The following ELN variants were observed in gnomAD, a reference collection of about 807,000 sequenced individuals.
The protein encoded by ELN is elastin, also known as tropoelastin.
In ELN, 65 loss-of-function variants were observed where a neutral mutation model predicts 105.8. The observed-to-expected ratio is 0.61, with a 90% CI of 0.50 to 0.75. ELN has a LOEUF of 0.75. ELN is among the 30% of genes least tolerant of loss of function. The pLI is 0.00. For synonymous variants in ELN, 368 were observed against 389.2 expected, an observed-to-expected ratio of 0.95 and a Z score of 0.64; for missense variants, 882 against 969.4, an observed-to-expected ratio of 0.91 and a Z score of 1.20.
intron 18 of ELN, 22 bp from the exon 19 acceptor site, chr7:74,054,694 G>T: frequency 6.2e-7 from 1 of 1,613,948 alleles, no homozygotes; most frequent in Non-Finnish European, 8.5e-7. Flanking sequence ...CTGAGCATTT[G>T]TGTCCCTTTT....
Position 74,056,352 on chromosome 7 carries a change from T to G in ELN, c.1232T>G (p.Val411Gly), listed in dbSNP as rs200180992. Reference protein sequence around the residue: ...AGGFPGFGVGVGGIPGVAGVP... With the variant: ...AGGFPGFGVGGGGIPGVAGVP... Reference sequence around the variant, plus strand: ...GGCTTTCCCGGCTTTGGTGTCGGAGTCGGAGGTATCCCTGGAGTCGCAGGT... The same window carrying G: ...GGCTTTCCCGGCTTTGGTGTCGGAGGCGGAGGTATCCCTGGAGTCGCAGGT... Residue 411 changes from valine to glycine, a missense_variant, in exon 20 of 33, where the codon GTC (valine) becomes GGC (glycine). Transcript: ENST00000252034. 267 of 1,613,084 alleles carry G rather than the reference T, an allele frequency of 1.7e-4. 3 individuals are homozygous for G. The East Asian group carries it at 5.4e-3, about 33-fold the overall frequency.
chr7:74,044,121 G>C (rs1177539844), intron 9 of ELN, among the ~76,000 whole-genome samples: 1 of 152,094 alleles, frequency 6.6e-6, no homozygotes, highest in Non-Finnish European at 1.5e-5. Flanking sequence ...TGCACCTGTA[G>C]TCCCAGCTAC....
Position 74,069,200 on chromosome 7 carries a change from T to C in ELN, c.*500T>C, listed in dbSNP as rs1554690950. 8.3e-6 allele frequency: 2 copies of C among 242,272 alleles called. No homozygotes were observed. Among genetic ancestry groups the C allele is most frequent in the Non-Finnish European group, 1.5e-5 (2 of 129,238 alleles). 15.0% of individuals were successfully genotyped at this position (242,272 alleles called of 1,614,324 possible). A position where few individuals can be genotyped will look rare whatever the true frequency, so the allele number is the denominator to read the frequency against. ...CCTGAAGCCTCAAAGCTGGATTCGC[T>C]CTAGCATCCCTCCTCTCCTGGGTCC... On this transcript the variant is annotated 3_prime_UTR_variant, in exon 33 of 33. Coordinates refer to ENST00000252034, the MANE Select transcript of ELN (RefSeq NM_000501.4).
Position 74,060,344 on chromosome 7 carries a change from C to G in ELN, c.1622-32C>G, listed in dbSNP as rs375107324. On this transcript the variant is annotated intron_variant, in intron 24 of 32. Coordinates refer to ENST00000252034, the MANE Select transcript of ELN (RefSeq NM_000501.4). ...ACCTCCTTAGGGGCATGCTCCCTGC[C>G]TGCTGTCGCCACCACTGCCCTCTGT... 4 of 1,614,130 alleles carry G rather than the reference C, an allele frequency of 2.5e-6. No homozygotes were observed. In the South Asian group the frequency reaches 4.4e-5, roughly 18 times the overall value.
chr7:74,062,714 C>T (rs1048331075), intron 26 of ELN, among the ~76,000 whole-genome samples: 1 of 152,150 alleles, frequency 6.6e-6, no homozygotes, highest in Non-Finnish European at 1.5e-5. Context: ...CCACGCCTGG[C>T]TAATTTTTGT....
intron 3 of ELN, 148 bp from the exon 4 acceptor site, chr7:74,037,559 G>A: frequency 8.5e-7 from 1 of 1,170,170 alleles, no homozygotes; most frequent in Non-Finnish European, 1.2e-6. Context: ...TAGAAGTAGA[G>A]CTAGGTTCCC....
intron 14 of ELN, 40 bp from the exon 15 acceptor site, chr7:74,048,463 C>G (rs1554673884): frequency 2.5e-6 from 4 of 1,613,652 alleles, no homozygotes; most frequent in Admixed American, 1.7e-5. Context: ...GATACAGGAG[C>G]ACTGTTTCAA....
intron 1 of ELN, among the ~76,000 whole-genome samples, chr7:74,028,676 A>G (rs1787980096): frequency 6.6e-6 from 1 of 152,178 alleles, no homozygotes; most frequent in Admixed American, 6.5e-5. Flanking sequence ...CCCTGGGGAC[A>G]GGGAACCTGG....
intron 1 of ELN, among the ~76,000 whole-genome samples, chr7:74,034,647 G>C (rs782422912): frequency 1.3e-5 from 2 of 152,194 alleles, no homozygotes; most frequent in Non-Finnish European, 2.9e-5. Flanking sequence ...AGAAGTTGCA[G>C]TGAGCTGAGA....
chr7:74,043,337 G>A, intron 8 of ELN, 169 bp downstream of exon 8: 4 of 1,053,184 alleles, frequency 3.8e-6, no homozygotes, highest in South Asian at 2.8e-5. Flanking sequence ...AAATGGGGAG[G>A]AGGGGCCTGG....
intron 3 of ELN, among the ~76,000 whole-genome samples, chr7:74,037,073 G>A (rs782795311): frequency 6.6e-6 from 1 of 151,196 alleles, no homozygotes; most frequent in Non-Finnish European, 1.5e-5. Flanking sequence ...TGCCTGACTC[G>A]GCCTCTCAAA....
At chr7:74,037,832 A>G (rs1790337530) in intron 4 of ELN, 93 bp downstream of exon 4, 2 of 1,549,182 alleles carry the variant, frequency 1.3e-6, no homozygotes, top group Non-Finnish European at 1.8e-6. Context: ...GAAACTAGGA[A>G]CAGGACAAGG....
In ELN at chr7:74,069,812, A is replaced by G. The variant is rs189177080; in HGVS notation, c.*1112A>G. The G allele has an allele frequency of 9.7e-4, 210 of 216,070 alleles. No individual in the cohort carries two copies. Among genetic ancestry groups the G allele is most frequent in the African/African-American group, 4.3e-3 (190 of 44,430 alleles). 13.4% of individuals were successfully genotyped at this position (216,070 alleles called of 1,614,324 possible). ...GTAGAAAAAACATTTTAATCACTCT[A>G]ATATAACTCTGGATGAAACACACCT... On this transcript the variant is annotated 3_prime_UTR_variant, in exon 33 of 33. Transcript: ENST00000252034.
chr7:74,066,830 C>A, intron 32 of ELN, 54 bp downstream of exon 32: 1 of 1,580,560 alleles, frequency 6.3e-7, no homozygotes. Context: ...GCCACCTCCT[C>A]CCTCCTCTCC....
At chr7:74,037,641 G>A in intron 3 of ELN, 66 bp from the exon 4 acceptor site, 2 of 1,583,110 alleles carry the variant, frequency 1.3e-6, no homozygotes, top group South Asian at 2.3e-5. Context: ...CCCGGGTTGG[G>A]GGTTGGATAA....
At chr7:74,052,866 AAAG>A (rs1794387517) in intron 17 of ELN, 2 of 445,890 alleles carry the variant, frequency 4.5e-6, no homozygotes, top group African/African-American at 4.0e-5. Context: ...AGAGAGAAAG[AAAG>A]AAAGAGAGAG....
chr7:74,037,486 C>G (rs1790246649), intron 3 of ELN, among the ~76,000 whole-genome samples: 1 of 152,132 alleles, frequency 6.6e-6, no homozygotes, highest in Admixed American at 6.5e-5. Flanking sequence ...GAGCCACCAC[C>G]CCCAGCCCAT....
In ELN at chr7:74,041,102, AC is replaced by A. The variant is rs1791097558; in HGVS notation, c.197-112del. 4 of 1,382,248 alleles carry A rather than the reference AC, an allele frequency of 2.9e-6. No individual in the cohort carries two copies. The Admixed American group carries it at 6.7e-5, about 23-fold the overall frequency. The allele number at this position is 1,382,248 out of a possible 1,614,324, so 85.6% of individuals were successfully genotyped here. ...GACCCTGAGCATCACAGGCTTAGGGACCAGCCTAGGGACCTGAGTGGCTGAT... is the reference window on the plus strand; with the variant it reads ...GACCCTGAGCATCACAGGCTTAGGGACAGCCTAGGGACCTGAGTGGCTGAT... On this transcript the variant is annotated intron_variant, in intron 4 of 32. Transcript: ENST00000252034.
At chr7:74,052,431 A>T (rs1554676688) in intron 17 of ELN, 3 of 224,122 alleles carry the variant, frequency 1.3e-5, no homozygotes, top group African/African-American at 4.5e-5. Flanking sequence ...AAAAGTATTT[A>T]AAAATTATCT....
Sources: gnomAD v4.1 joint callset for allele counts (sites outside exome capture counted in the v4.1 genomes callset) on GRCh38, gnomAD v4.1.1 for gene constraint, MANE v1.5 for transcripts, NCBI Gene and HGNC (gene_info 2026-07-23, HGNC 2026-07-21) for gene names.